RSPH1: variants seen among roughly 807,000 people sequenced by gnomAD.
The protein encoded by RSPH1 is radial spoke head 1 homolog.
RSPH1 carries 32 observed loss-of-function variants against 44.2 expected under a neutral mutation model. The ratio of observed to expected loss-of-function variants is 0.72; its 90% CI spans 0.55 to 0.97. The LOEUF (loss-of-function observed/expected upper bound fraction) is 0.97, where lower values mean the gene tolerates loss of function less well. Ranked by LOEUF, RSPH1 falls within the 50% of genes least tolerant of loss-of-function variation. RSPH1 has a pLI of 0.00. For synonymous variants in RSPH1, 134 were observed against 147.3 expected (o/e 0.91, Z 0.65); for missense variants, 391 against 398.7 (o/e 0.98, Z 0.16).
At chr21:42,475,835 A>C (rs758111280) in intron 8 of RSPH1, 63 bp downstream of exon 8, 86 of 1,559,908 alleles carry the variant, frequency 5.5e-5, no homozygotes, top group Admixed American at 8.7e-5. Context: ...GGGAAGGGGA[A>C]TCCCACTGTT....
Position 42,492,836 on chromosome 21 carries a change from G to A in RSPH1, c.196C>T (p.Arg66Ter), listed in dbSNP as rs753105954. 7.4e-6 allele frequency: 12 copies of A among 1,612,642 alleles called. No homozygotes were observed. The highest frequency in any genetic ancestry group is 6.7e-5 in the African/African-American group (5 of 74,844). ...TTTCTAACATATTCTCCGATATATC[G>A]AGCACCATTTTTAAATTTGTAGATC... is the stretch of plus-strand genomic sequence containing the variant. ...QGIYKFKNGA[R>*]YIGEYVRNKK... The change falls in exon 3 of 9, where the codon CGA becomes TGA. Residue 66 changes from arginine (R) to a stop codon, truncating the protein, a stop_gained. Coordinates refer to ENST00000291536, the MANE Select transcript of RSPH1 (RefSeq NM_080860.4). LOFTEE classifies it high-confidence loss of function.
At chr21:42,473,728 T>C (rs2054016551) in intron 8 of RSPH1, among the ~76,000 whole-genome samples, 1 of 152,188 alleles carries the variant, frequency 6.6e-6, no homozygotes, top group Admixed American at 6.5e-5. Flanking sequence ...CTATTTTGTA[T>C]TACTCCCTTT....
chr21:42,486,396 T>A lies in RSPH1; in HGVS notation c.340A>T (p.Thr114Ser). 1 of 1,613,786 alleles carries A rather than the reference T, an allele frequency of 6.2e-7. No homozygotes were observed. The change falls in exon 4 of 9, where the codon ACT becomes TCT. Residue 114 changes from threonine (T) to serine (S), a missense_variant. Physicochemically the swap from Thr to Ser is moderately conservative, Grantham distance 58 (BLOSUM62 1). Transcript: ENST00000291536. ...VYYYINNDTY[T>S]GEWFAHQRHG... ...CTTTGATGAGCAAACCACTCTCCAGTGTAGGTGTCATTATTGATGTAGTAG... is the reference window on the plus strand; with the variant it reads ...CTTTGATGAGCAAACCACTCTCCAGAGTAGGTGTCATTATTGATGTAGTAG...
chr21:42,485,838 C>T (rs1170393147), intron 4 of RSPH1, 34 bp from the exon 5 acceptor site: 1 of 1,612,938 alleles, frequency 6.2e-7, no homozygotes, highest in Non-Finnish European at 8.5e-7. Flanking sequence ...GTATTTCGTT[C>T]CAGCACAGTG....
intron 7 of RSPH1, 140 bp from the exon 8 acceptor site, chr21:42,476,187 C>A (rs1241734255): frequency 6.2e-6 from 5 of 806,398 alleles, no homozygotes; most frequent in Non-Finnish European, 9.7e-6. Context: ...CCCATCTCAA[C>A]ATCCACCCAG....
intron 5 of RSPH1, among the ~76,000 whole-genome samples, chr21:42,483,262 C>T (rs2054147919): frequency 6.7e-6 from 1 of 148,668 alleles, no homozygotes; most frequent in Non-Finnish European, 1.5e-5. Flanking sequence ...TTACAAAGAA[C>T]GCTCCAGCAA....
At chr21:42,473,300 G>C (rs530111896) in intron 8 of RSPH1, among the ~76,000 whole-genome samples, 53 of 152,208 alleles carry the variant, frequency 3.5e-4, no homozygotes, top group African/African-American at 1.2e-3. Flanking sequence ...AGACCAGCCC[G>C]GCCAACATGG....
In RSPH1 at chr21:42,472,793, C is replaced by T. The variant is rs368108602; in HGVS notation, c.*25G>A. 8.2e-6 allele frequency: 13 copies of T among 1,577,186 alleles called. No individual in the cohort carries two copies. Among genetic ancestry groups the T allele is most frequent in the East Asian group, 2.2e-5 (1 of 44,646 alleles). On this transcript the variant is annotated 3_prime_UTR_variant, in exon 9 of 9. Transcript: ENST00000291536. ...TAACGACAGAAGCATTCTTATGATA[C>T]GATCTCCTCTCGGCTCACTTCATCT... is the stretch of plus-strand genomic sequence containing the variant.
chr21:42,480,201 G>C (rs2054111884), intron 6 of RSPH1, among the ~76,000 whole-genome samples: 1 of 152,168 alleles, frequency 6.6e-6, no homozygotes, highest in Non-Finnish European at 1.5e-5. Context: ...GAGAGCCCCG[G>C]GGATGTCCAG....
rs777113847 is a variant in RSPH1, at chr21:42,485,769, C to T, written c.401G>A (p.Gly134Asp). The change falls in exon 5 of 9, where the codon GGC (glycine) becomes GAC (aspartate). Residue 134 changes from glycine (G) to aspartate (D), a missense_variant. Gly to Asp is a moderately conservative substitution (Grantham distance 94). Transcript: ENST00000291536. The part of the protein sequence containing the change: ...GQGTYLYAET[G>D]SKYVGTWVNG... ...CACCCAGGTGCCAACATACTTACTG[C>T]CCGTCTCCGCGTATAAATAGGTGCC... 2.5e-6 allele frequency: 4 copies of T among 1,614,214 alleles called. No homozygotes were observed. The highest frequency in any genetic ancestry group is 4.5e-5 in the East Asian group (2 of 44,892).
chr21:42,478,002 A>G (rs12482483), intron 6 of RSPH1, among the ~76,000 whole-genome samples: 24,234 of 152,210 alleles, frequency 0.16, 2,330 homozygotes, highest in Non-Finnish European at 0.22. Context: ...GCATAAACGC[A>G]AAAGCTCAAG....
At chr21:42,475,385 G>A (rs549622751) in intron 8 of RSPH1, among the ~76,000 whole-genome samples, 103 of 151,966 alleles carry the variant, frequency 6.8e-4, no homozygotes, top group African/African-American at 2.4e-3. Flanking sequence ...TGTCCAACAC[G>A]GTGAAACCCA....
At chr21:42,481,992 T>C (rs2054132724) in intron 6 of RSPH1, among the ~76,000 whole-genome samples, 1 of 152,204 alleles carries the variant, frequency 6.6e-6, no homozygotes, top group Non-Finnish European at 1.5e-5. Context: ...GGACAAACTG[T>C]GGCAACACCA....
chr21:42,492,029 T>C (rs554680437), intron 3 of RSPH1, among the ~76,000 whole-genome samples: 45 of 152,242 alleles, frequency 3.0e-4, no homozygotes, highest in Non-Finnish European at 5.6e-4. Flanking sequence ...CAGATCTTTT[T>C]GGAAATCTGA....
In RSPH1 at chr21:42,477,306, C is replaced by CGTCTT. The variant is rs1568959392; in HGVS notation, c.707_711dup (p.Ala238LysfsTer29). 3.1e-6 allele frequency: 5 copies of CGTCTT among 1,614,014 alleles called. No homozygotes were observed. On this transcript the variant is annotated frameshift_variant, in exon 7 of 9. Transcript: ENST00000291536. LOFTEE classifies it high-confidence loss of function. ...TGCCCCACACTCTCAGCTCCTGGAG[C>CGTCTT]GTCTTGGCCAGGTCCATCCGTAGAG... is the stretch of plus-strand genomic sequence containing the variant.
chr21:42,496,190 C>T lies in RSPH1; in HGVS notation c.-4G>A, dbSNP rs2054287220. 1 of 1,614,212 alleles carries T rather than the reference C, an allele frequency of 6.2e-7. No individual in the cohort carries two copies. Among genetic ancestry groups the T allele is most frequent in the Non-Finnish European group, 8.5e-7 (1 of 1,180,036 alleles). On this transcript the variant is annotated 5_prime_UTR_variant, in exon 1 of 9. Coordinates refer to ENST00000291536, the MANE Select transcript of RSPH1 (RefSeq NM_080860.4). ...CCTCCGAGCCCAGGTCCGACATGGTCTCGCCCCAGCCTGGATCACAGCCGC... is the reference window on the plus strand; with the variant it reads ...CCTCCGAGCCCAGGTCCGACATGGTTTCGCCCCAGCCTGGATCACAGCCGC...
At chr21:42,488,408 G>T (rs1357659448) in intron 3 of RSPH1, among the ~76,000 whole-genome samples, 1 of 152,150 alleles carries the variant, frequency 6.6e-6, no homozygotes, top group Admixed American at 6.6e-5. Flanking sequence ...ATGGGTTTTT[G>T]TGAGCTACTA....
chr21:42,477,100 GCCCCC>G lies in RSPH1; in HGVS notation c.727+186_727+190del, dbSNP rs1568958892. ...AGCCCGGGGATGCCCCACACCCTCTGCCCCCTCCACTCCACAGCCCGGGGATGCCC... is the reference window on the plus strand; with the variant it reads ...AGCCCGGGGATGCCCCACACCCTCTGTCCACTCCACAGCCCGGGGATGCCC... On this transcript the variant is annotated intron_variant, in intron 7 of 8. Transcript: ENST00000291536. Among the ~76,000 whole-genome samples the G allele has an allele frequency of 4.2e-4, 58 of 138,938 alleles. 6 individuals carry two copies. The highest frequency in any genetic ancestry group is 1.0e-3 in the African/African-American group (37 of 36,702). 91.1% of individuals were successfully genotyped at this position (138,938 alleles called of 152,430 possible).
At chr21:42,490,028 C>T (rs2054220799) in intron 3 of RSPH1, among the ~76,000 whole-genome samples, 1 of 152,166 alleles carries the variant, frequency 6.6e-6, no homozygotes, top group Admixed American at 6.5e-5. Flanking sequence ...CTTTCTCCCC[C>T]TTAACCTCAG....
Sources: gnomAD v4.1 joint callset for allele counts (sites outside exome capture counted in the v4.1 genomes callset) on GRCh38, gnomAD v4.1.1 for gene constraint, MANE v1.5 for transcripts, NCBI Gene and HGNC (gene_info 2026-07-23, HGNC 2026-07-21) for gene names.